Variants in RARB observed in about 807,000 individuals in gnomAD.
RARB encodes the protein HBV-activated protein.
In RARB, 17 loss-of-function variants were observed where a neutral mutation model predicts 51.9. That is an observed-to-expected ratio of 0.33 (90% CI 0.22 to 0.49). RARB has a LOEUF of 0.49. Ranked by LOEUF, RARB falls within the 20% of genes least tolerant of loss-of-function variation. The probability of loss-of-function intolerance (pLI) is 0.99; values close to 1 mark genes in which losing one functional copy is unlikely to be tolerated. For missense variants in RARB, 369 were observed against 550.8 expected, an observed-to-expected ratio of 0.67 and a Z score of 3.30; for synonymous variants, 215 against 195.4, an observed-to-expected ratio of 1.10 and a Z score of -0.84.
chr3:25,111,028 G>A (rs1699591976), intron 3 of RARB, among the ~76,000 whole-genome samples: 1 of 152,132 alleles, frequency 6.6e-6, no homozygotes, highest in African/African-American at 2.4e-5. Flanking sequence ...TAACATCTTG[G>A]CTCTCTTTCC....
chr3:24,940,094 T>C (rs563708153), intron 2 of RARB, among the ~76,000 whole-genome samples: 2 of 152,356 alleles, frequency 1.3e-5, no homozygotes, highest in Admixed American at 6.5e-5. Flanking sequence ...CCCTTCACTA[T>C]TTATTTCAGT....
At chr3:25,077,820 G>A (rs76127170) in intron 3 of RARB, among the ~76,000 whole-genome samples, 1,842 of 152,184 alleles carry the variant, frequency 0.012, 35 homozygotes, top group African/African-American at 0.042. Context: ...ATGAATAAGA[G>A]CTTTGGTTGC....
intron 2 of RARB, among the ~76,000 whole-genome samples, chr3:24,932,412 A>C (rs1695459757): frequency 6.6e-6 from 1 of 152,110 alleles, no homozygotes; most frequent in South Asian, 2.1e-4. Flanking sequence ...TTGTGTAGGG[A>C]CATCTACTAC....
chr3:25,359,388 G>C (rs1705852859), intron 5 of RARB, among the ~76,000 whole-genome samples: 1 of 151,048 alleles, frequency 6.6e-6, no homozygotes, highest in African/African-American at 2.4e-5. Flanking sequence ...TCTGGTTAGT[G>C]GTCTATCTAT....
Position 25,442,120 on chromosome 3 carries a change from A to T in RARB, c.157+13232A>T, listed in dbSNP as rs1339478452. ...GACTTTTTAATTTTATTTTATTTTT[A>T]TTTATTTATTTATTTATTTATTTAT... On this transcript the variant is annotated intron_variant, in intron 1 of 7. Transcript: ENST00000330688. 1.1e-4 allele frequency among the ~76,000 whole-genome samples: 7 copies of T among 63,380 alleles called. No homozygotes were observed. In the East Asian group the frequency reaches 2.7e-3, roughly 24 times the overall value. 41.6% of individuals were successfully genotyped at this position (63,380 alleles called of 152,430 possible).
intron 2 of RARB, among the ~76,000 whole-genome samples, chr3:24,945,101 A>G (rs1695745982): frequency 6.6e-6 from 1 of 152,198 alleles, no homozygotes; most frequent in Non-Finnish European, 1.5e-5. Context: ...AACATTATCT[A>G]TTATGTTGAA....
chr3:25,181,167 C>T (rs1267415204), intron 5 of RARB, among the ~76,000 whole-genome samples: 1 of 152,112 alleles, frequency 6.6e-6, no homozygotes, highest in African/African-American at 2.4e-5. Flanking sequence ...ATATTGCATT[C>T]CTACTGAGAA....
chr3:25,411,831 C>CTT (rs1332174483), intron 5 of RARB, among the ~76,000 whole-genome samples: 1 of 152,168 alleles, frequency 6.6e-6, no homozygotes, highest in Non-Finnish European at 1.5e-5. Flanking sequence ...GACTACCCAA[C>CTT]TTCCAGCAAG....
intron 5 of RARB, among the ~76,000 whole-genome samples, chr3:25,588,767 G>A (rs1171877012): frequency 6.6e-6 from 1 of 152,152 alleles, no homozygotes; most frequent in Non-Finnish European, 1.5e-5. Context: ...TTGATGGGAG[G>A]ACTCAGTTTC....
At chr3:25,267,304 A>G (rs1237887916) in intron 5 of RARB, among the ~76,000 whole-genome samples, 4 of 152,226 alleles carry the variant, frequency 2.6e-5, no homozygotes, top group African/African-American at 9.6e-5. Context: ...AATGGTGGGA[A>G]CACAGCAGAC....
intron 2 of RARB, among the ~76,000 whole-genome samples, chr3:24,889,671 T>C (rs945645324): frequency 5.1e-4 from 70 of 136,376 alleles, no homozygotes; most frequent in African/African-American, 2.0e-3. Flanking sequence ...GAATCACCTC[T>C]TAAAGTGTGT....
intron 3 of RARB, among the ~76,000 whole-genome samples, chr3:25,505,172 T>C (rs1034697780): frequency 2.6e-5 from 4 of 152,124 alleles, no homozygotes; most frequent in African/African-American, 9.7e-5. Flanking sequence ...GGTCCCACCA[T>C]TTTTTTGGCA....
intron 1 of RARB, among the ~76,000 whole-genome samples, chr3:24,842,436 A>G (rs1030453335): frequency 1.3e-5 from 2 of 152,120 alleles, no homozygotes; most frequent in African/African-American, 2.4e-5. Flanking sequence ...TGATTTTGTG[A>G]GGAATTTGAT....
At chr3:25,399,991 A>G (rs1559385359) in intron 5 of RARB, among the ~76,000 whole-genome samples, 1 of 152,332 alleles carries the variant, frequency 6.6e-6, no homozygotes, top group Non-Finnish European at 1.5e-5. Flanking sequence ...AAATAATAAG[A>G]CTTACCTCTG....
intron 4 of RARB, among the ~76,000 whole-genome samples, chr3:25,143,059 T>C (rs1216821520): frequency 6.6e-6 from 1 of 152,222 alleles, no homozygotes; most frequent in Non-Finnish European, 1.5e-5. Flanking sequence ...GGGGCATTTA[T>C]TCTGAGTAGA....
intron 2 of RARB, among the ~76,000 whole-genome samples, chr3:24,981,010 TAACA>T (rs71057695): frequency 0.11 from 16,762 of 152,226 alleles, 1,238 homozygotes; most frequent in Non-Finnish European, 0.16. Context: ...GTTTTCCTTC[TAACA>T]GACAGGCCCT....
At chr3:25,590,330 A>G (rs1701567381) in intron 5 of RARB, among the ~76,000 whole-genome samples, 1 of 152,226 alleles carries the variant, frequency 6.6e-6, no homozygotes, top group Non-Finnish European at 1.5e-5. Flanking sequence ...GCAATGTCCT[A>G]AATCCTGGTC....
At chr3:25,556,876 T>C (rs1248106940) in intron 3 of RARB, among the ~76,000 whole-genome samples, 1 of 152,232 alleles carries the variant, frequency 6.6e-6, no homozygotes, top group Non-Finnish European at 1.5e-5. Context: ...CTGTGACAGT[T>C]GGCAATTATG....
chr3:25,287,994 C>T (rs1448253505), intron 5 of RARB, among the ~76,000 whole-genome samples: 3 of 151,934 alleles, frequency 2.0e-5, no homozygotes, highest in Non-Finnish European at 4.4e-5. Context: ...TTAGATTTTC[C>T]ACAAAGCTGG....
Sources: allele counts gnomAD v4.1 joint callset (sites outside exome capture counted in the v4.1 genomes callset), GRCh38; gene constraint gnomAD v4.1.1; transcripts MANE v1.5; gene names NCBI Gene and HGNC (gene_info 2026-07-23, HGNC 2026-07-21).